The following SKI variants were observed in gnomAD, a reference collection of about 807,000 sequenced individuals.
SKI encodes the protein ski oncogene.
SKI carries 23 observed loss-of-function variants against 59.3 expected under a neutral mutation model. The ratio of observed to expected loss-of-function variants is 0.39; its 90% CI spans 0.28 to 0.55. The LOEUF (loss-of-function observed/expected upper bound fraction) is 0.55, where lower values mean the gene tolerates loss of function less well. Ranked by LOEUF, SKI falls within the 20% of genes least tolerant of loss-of-function variation. The probability of loss-of-function intolerance (pLI) is 0.67; values close to 1 mark genes in which losing one functional copy is unlikely to be tolerated. For missense variants in SKI, 1,017 were observed against 1,038.9 expected (o/e 0.98, Z 0.29); for synonymous variants, 673 against 488.6 (o/e 1.38, Z -4.98).
intron 1 of SKI, among the ~76,000 whole-genome samples, chr1:2,295,711 G>A (rs942012679): frequency 4.4e-5 from 3 of 68,224 alleles, no homozygotes; most frequent in African/African-American, 8.8e-5. Flanking sequence ...TCCGGGCCAC[G>A]TGTGGCTATG....
chr1:2,241,357 A>G (rs993367152), intron 1 of SKI, among the ~76,000 whole-genome samples: 7 of 152,024 alleles, frequency 4.6e-5, no homozygotes, highest in African/African-American at 1.2e-4. Context: ...ATTTTGTTTC[A>G]TCCAACTCCC....
In SKI at chr1:2,306,044, A is replaced by G; in HGVS notation, c.1792A>G (p.Lys598Glu). The change falls in exon 6 of 7, where the codon AAG becomes GAG. Residue 598 changes from lysine (K) to glutamate (E), a missense_variant. Coordinates refer to ENST00000378536, the MANE Select transcript of SKI (RefSeq NM_003036.4). ...GGAGCTGGAGTTCCTACGCGTGGCC[A>G]AGAAGGAGAAGCTGCGGGAGGCCAC... ...HQELEFLRVA[K>E]KEKLREATEA... 6.3e-7 allele frequency: 1 copy of G among 1,594,174 alleles called. No homozygotes were observed. Among genetic ancestry groups the G allele is most frequent in the Non-Finnish European group, 8.5e-7 (1 of 1,172,216 alleles).
Position 2,307,264 on chromosome 1 carries a change from AGAGTCT to A in SKI, c.*500_*505del, listed in dbSNP as rs1056733340. 1 of 145,568 alleles carries A rather than the reference AGAGTCT, an allele frequency of 6.9e-6. No individual in the cohort carries two copies. The highest frequency in any genetic ancestry group is 2.6e-5 in the African/African-American group (1 of 39,050). The allele number at this position is 145,568 out of a possible 1,614,324, so 9.0% of individuals were successfully genotyped here. On this transcript the variant is annotated 3_prime_UTR_variant, in exon 7 of 7. Coordinates refer to ENST00000378536, the MANE Select transcript of SKI (RefSeq NM_003036.4). ...GTGAGGACAGCAGGGGTTTTTCTTCAGAGTCTATTTTTTCAGCGACAAGGACCCAGG... is the reference window on the plus strand; with the variant it reads ...GTGAGGACAGCAGGGGTTTTTCTTCAATTTTTTCAGCGACAAGGACCCAGG...
rs1300049118 is a variant in SKI, at chr1:2,228,902, G to A, written c.136G>A (p.Ala46Thr). ...TTTCTCGGCGCGCTGGGCGCAGGAG[G>A]CCTACAAGAAGGAGAGCGCCAAGGA... ...AAFSARWAQE[A>T]YKKESAKEAG... The change falls in exon 1 of 7, where the codon GCC becomes ACC. Residue 46 changes from alanine to threonine, a missense_variant. Coordinates refer to ENST00000378536, the MANE Select transcript of SKI (RefSeq NM_003036.4). 1 of 1,419,248 alleles carries A rather than the reference G, an allele frequency of 7.0e-7. No homozygotes were observed. The highest frequency in any genetic ancestry group is 2.5e-5 in the Admixed American group (1 of 40,506). The allele number at this position is 1,419,248 out of a possible 1,614,324, so 87.9% of individuals were successfully genotyped here. A position where few individuals can be genotyped will look rare whatever the true frequency, so the allele number is the denominator to read the frequency against.
intron 1 of SKI, among the ~76,000 whole-genome samples, chr1:2,276,420 C>G (rs747553718): frequency 6.6e-6 from 1 of 152,182 alleles, no homozygotes; most frequent in East Asian, 1.9e-4. Flanking sequence ...GCCGGAAATG[C>G]GTGTCTGCTG....
chr1:2,229,283 T>G lies in SKI; in HGVS notation c.517T>G (p.Ser173Ala). ...GGGCATCCTGCCCTTCTCGGCGCCC[T>G]CGTGCGGGCTCATCACCAAGACGGA... is the stretch of plus-strand genomic sequence containing the variant. ...VMGILPFSAP[S>A]CGLITKTDAE... The change falls in exon 1 of 7, where the codon TCG (serine) becomes GCG (alanine). Residue 173 changes from serine (S) to alanine (A), a missense_variant. Ser to Ala is a moderately conservative substitution (Grantham distance 99, BLOSUM62 1). Coordinates refer to ENST00000378536, the MANE Select transcript of SKI (RefSeq NM_003036.4). The surrounding 1 kb of genome is among the most constrained non-coding windows in gnomAD (Gnocchi z 6.3). The G allele has an allele frequency of 6.3e-7, 1 of 1,595,700 alleles. No homozygotes were observed. Among genetic ancestry groups the G allele is most frequent in the Non-Finnish European group, 8.5e-7 (1 of 1,171,962 alleles).
At chr1:2,252,390 G>T (rs928606421) in intron 1 of SKI, among the ~76,000 whole-genome samples, 5 of 152,154 alleles carry the variant, frequency 3.3e-5, no homozygotes, top group African/African-American at 1.2e-4. Context: ...TGATCCTGGT[G>T]CAGGGCTGCA....
intron 6 of SKI, 56 bp from the exon 7 acceptor site, chr1:2,306,521 G>C: frequency 6.6e-7 from 1 of 1,506,238 alleles, no homozygotes; most frequent in Non-Finnish European, 8.9e-7. Context: ...GGGAAGCAGC[G>C]TCGGGCCGGG....
chr1:2,246,086 G>A (rs1047559825), intron 1 of SKI, among the ~76,000 whole-genome samples: 1 of 152,148 alleles, frequency 6.6e-6, no homozygotes, highest in African/African-American at 2.4e-5. Context: ...GTGAGCCACC[G>A]CATTCAGCCC....
intron 1 of SKI, among the ~76,000 whole-genome samples, chr1:2,234,088 A>G (rs1638700986): frequency 6.6e-6 from 1 of 152,206 alleles, no homozygotes; most frequent in African/African-American, 2.4e-5. Context: ...GTCCCCGTGC[A>G]GAAGGCCAGG....
At chr1:2,233,496 G>T (rs263531) in intron 1 of SKI, among the ~76,000 whole-genome samples, 81,802 of 151,794 alleles carry the variant, frequency 0.54, 22,521 homozygotes, top group East Asian at 0.83. Context: ...TTGCCCTTGC[G>T]CTGTGTGGGC....
rs1297181920 is a variant in SKI, at chr1:2,268,216, G to A, written c.970-34762G>A. Among the ~76,000 whole-genome samples the A allele has an allele frequency of 3.3e-5, 5 of 152,300 alleles. No homozygotes were observed. The highest frequency in any genetic ancestry group is 1.9e-4 in the East Asian group (1 of 5,174). Reference sequence around the variant, plus strand: ...CTGCTGTCGCCCATCCTTGGGGGCCGGCGTCGCCTCCCTGCTGCTCCTACT... The same window carrying A: ...CTGCTGTCGCCCATCCTTGGGGGCCAGCGTCGCCTCCCTGCTGCTCCTACT... On this transcript the variant is annotated intron_variant, in intron 1 of 6. Coordinates refer to ENST00000378536, the MANE Select transcript of SKI (RefSeq NM_003036.4). This position sits in a 1 kb window ranked among gnomAD's most constrained non-coding sequence, Gnocchi z 5.0.
chr1:2,240,693 G>A, intron 1 of SKI: 5 of 985,486 alleles, frequency 5.1e-6, no homozygotes, highest in Non-Finnish European at 6.0e-6. Flanking sequence ...TTGTTCGGAG[G>A]ATGGAGGACA....
chr1:2,236,635 G>C (rs1340834645), intron 1 of SKI, among the ~76,000 whole-genome samples: 2 of 152,186 alleles, frequency 1.3e-5, no homozygotes, highest in Non-Finnish European at 2.9e-5. Flanking sequence ...TCCATCTCCT[G>C]ACCTCTTGAT....
Position 2,307,099 on chromosome 1 carries a change from A to C in SKI, c.*334A>C. On this transcript the variant is annotated 3_prime_UTR_variant, in exon 7 of 7. Coordinates refer to ENST00000378536, the MANE Select transcript of SKI (RefSeq NM_003036.4). ...CAGTAAGGAGACTTGAAATTCAGAA[A>C]ATCAACACATTTTTAAATGACTAAC... 1 of 175,370 alleles carries C rather than the reference A, an allele frequency of 5.7e-6. No individual in the cohort carries two copies. Among genetic ancestry groups the C allele is most frequent in the Non-Finnish European group, 1.2e-5 (1 of 83,428 alleles). The allele number at this position is 175,370 out of a possible 1,614,324, so 10.9% of individuals were successfully genotyped here. A position where few individuals can be genotyped will look rare whatever the true frequency, so the allele number is the denominator to read the frequency against.
At chr1:2,251,859 C>G (rs1156751906) in intron 1 of SKI, among the ~76,000 whole-genome samples, 1 of 152,218 alleles carries the variant, frequency 6.6e-6, no homozygotes, top group East Asian at 1.9e-4. Flanking sequence ...GCAGCTTCTC[C>G]CCTTCTTGCT....
intron 1 of SKI, among the ~76,000 whole-genome samples, chr1:2,286,763 C>T (rs924181937): frequency 2.6e-5 from 4 of 152,132 alleles, no homozygotes; most frequent in South Asian, 2.1e-4. Context: ...AGGCTCCGGT[C>T]GTGGGCTAGT....
intron 1 of SKI, among the ~76,000 whole-genome samples, chr1:2,291,235 C>T (rs1011137117): frequency 2.0e-5 from 3 of 152,258 alleles, no homozygotes; most frequent in Non-Finnish European, 2.9e-5. Context: ...ACGATACATT[C>T]GCCCCAGTGT....
chr1:2,272,519 C>T lies in SKI; in HGVS notation c.970-30459C>T, dbSNP rs149503328. ...CCTGTGGTCTGGGGGCCTCCTTCCC[C>T]CACAGGCTACACAAGCCCTGGTCCT... On this transcript the variant is annotated intron_variant, in intron 1 of 6. Transcript: ENST00000378536. Among the ~76,000 whole-genome samples, 1,380 of 152,304 alleles carry T rather than the reference C, an allele frequency of 9.1e-3. 22 individuals carry two copies. Among genetic ancestry groups the T allele is most frequent in the African/African-American group, 0.032 (1,317 of 41,546 alleles).
Sources: gnomAD v4.1 joint callset for allele counts (sites outside exome capture counted in the v4.1 genomes callset) on GRCh38, gnomAD v4.1.1 for gene constraint, Gnocchi (gnomAD v3.1) non-coding constraint, MANE v1.5 for transcripts, NCBI Gene and HGNC (gene_info 2026-07-23, HGNC 2026-07-21) for gene names.